MAST3: variants seen among roughly 807,000 people sequenced by gnomAD.
MAST3 encodes microtubule associated serine/threonine kinase 3.
A neutral mutation model predicts 127.0 loss-of-function variants in MAST3; 43 were observed. The ratio of observed to expected loss-of-function variants is 0.34; its 90% CI spans 0.27 to 0.44. The LOEUF is 0.44. MAST3 is among the 20% of genes least tolerant of loss of function. The pLI is 1.00. For synonymous variants in MAST3, 785 were observed against 809.2 expected (o/e 0.97, Z 0.51); for missense variants, 1,390 against 1,919.1 (o/e 0.72, Z 5.15).
At position 18,124,615 on chromosome 19, in the gene MAST3, G is replaced by A. The variant is rs375274551; in HGVS notation, c.946-27G>A. 1,538 of 1,542,078 alleles carry A rather than the reference G, an allele frequency of 1.0e-3. 12 individuals are homozygous for A. Among genetic ancestry groups the A allele is most frequent in the South Asian group, 8.5e-3 (716 of 83,980 alleles). On this transcript the variant is annotated intron_variant, in intron 10 of 27. Coordinates refer to ENST00000687212, the MANE Select transcript of MAST3 (RefSeq NM_001393504.1). Reference sequence around the variant, plus strand: ...AGGCCTGCAGGTGGAACCAAGCCCTGGGTGACCAGCCCTCCTGTGCCCCTA... The same window carrying A: ...AGGCCTGCAGGTGGAACCAAGCCCTAGGTGACCAGCCCTCCTGTGCCCCTA...
chr19:18,136,559 G>A (rs2041910276), intron 18 of MAST3, among the ~76,000 whole-genome samples: 1 of 152,146 alleles, frequency 6.6e-6, no homozygotes, highest in African/African-American at 2.4e-5. Context: ...GGAACCACAG[G>A]CATGTGCCAT....
intron 3 of MAST3, among the ~76,000 whole-genome samples, chr19:18,111,046 G>C (rs1257904459): frequency 6.6e-6 from 1 of 152,134 alleles, no homozygotes; most frequent in Non-Finnish European, 1.5e-5. Flanking sequence ...ACTCCCTGCT[G>C]AATTGGCCTG....
chr19:18,117,372 T>C (rs1407780444), intron 3 of MAST3, among the ~76,000 whole-genome samples: 1 of 152,202 alleles, frequency 6.6e-6, no homozygotes, highest in African/African-American at 2.4e-5. Flanking sequence ...TGGAGTTCAA[T>C]CAGGTGGCTG....
chr19:18,129,114 G>A (rs924783655), intron 13 of MAST3, 163 bp downstream of exon 13: 10 of 650,122 alleles, frequency 1.5e-5, no homozygotes, highest in South Asian at 9.1e-5. Context: ...GTGGAGACAC[G>A]CCATAGCGAG....
At chr19:18,123,417 C>T (rs772103281) in intron 7 of MAST3, 43 bp downstream of exon 7, 9 of 1,570,218 alleles carry the variant, frequency 5.7e-6, no homozygotes, top group Admixed American at 1.8e-5. Flanking sequence ...CCTCCCTGGG[C>T]TGGTGTGGAG....
chr19:18,128,436 C>T lies in MAST3; in HGVS notation c.1115C>T (p.Pro372Leu), dbSNP rs768674732. Residue 372 changes from proline to leucine, a missense_variant, in exon 12 of 28, where the codon CCC becomes CTC. By Grantham distance (98) the Pro-to-Leu change is moderately conservative. Around this residue, in one of 5 missense-constraint regions of MAST3, gnomAD observed 277 missense variants for 384.8 expected, o/e 0.72. Transcript: ENST00000687212. ...CTGAGTCACCTCGAAGAAGAACAGC[C>T]CCCAGCACCTGAGTCCCCAGAGGTG... Reference protein sequence around the residue: ...VPLSHLEEEQPPAPESPESRA... With the variant: ...VPLSHLEEEQLPAPESPESRA... 6.4e-6 allele frequency: 10 copies of T among 1,557,072 alleles called. No homozygotes were observed. The South Asian group carries it at 1.2e-4, about 18-fold the overall frequency.
chr19:18,139,476 C>T (rs180932458), intron 20 of MAST3, among the ~76,000 whole-genome samples: 106 of 152,216 alleles, frequency 7.0e-4, no homozygotes, highest in African/African-American at 2.5e-3. Context: ...AGGCGCATGC[C>T]GTCACGCCCA....
chr19:18,142,071 G>C, intron 21 of MAST3, 56 bp downstream of exon 21: 1 of 1,356,980 alleles, frequency 7.4e-7, no homozygotes, highest in Non-Finnish European at 9.6e-7. Context: ...CTGGGAGGTA[G>C]AGACACAAAA....
At chr19:18,147,733 A>G in intron 27 of MAST3, 109 bp downstream of exon 27, 1 of 808,490 alleles carries the variant, frequency 1.2e-6, no homozygotes, top group Non-Finnish European at 1.9e-6. Context: ...ATGTAGGGAA[A>G]AAGATGACCG....
chr19:18,123,778 C>T (rs11666281), intron 8 of MAST3, 123 bp downstream of exon 8: 261,451 of 1,088,566 alleles, frequency 0.24, 32,582 homozygotes, highest in Middle Eastern at 0.26. Context: ...TCTTTCCTTC[C>T]CCTTCCGTTG....
chr19:18,114,856 G>C (rs1367148600), intron 3 of MAST3, among the ~76,000 whole-genome samples: 1 of 152,160 alleles, frequency 6.6e-6, no homozygotes, highest in Non-Finnish European at 1.5e-5. Context: ...TTTCTACCTA[G>C]GGCACTAGGA....
At chr19:18,143,278 T>C (rs568600275) in intron 21 of MAST3, among the ~76,000 whole-genome samples, 14 of 151,712 alleles carry the variant, frequency 9.2e-5, no homozygotes, top group African/African-American at 3.4e-4. Flanking sequence ...AGCTGGGTTT[T>C]AAAAGTTGAA....
chr19:18,140,071 G>T (rs1312761398), intron 20 of MAST3, among the ~76,000 whole-genome samples: 1 of 151,060 alleles, frequency 6.6e-6, no homozygotes, highest in Admixed American at 6.6e-5. Context: ...CACCTGCCTC[G>T]GCCTCCCAAA....
At chr19:18,137,390 CG>C (rs1406226456) in intron 19 of MAST3, 29 bp downstream of exon 19, 10 of 1,601,668 alleles carry the variant, frequency 6.2e-6, no homozygotes, top group African/African-American at 1.3e-5. Flanking sequence ...GGAGGGGGGG[CG>C]GGGGGTGCTC....
At chr19:18,128,483 C>T (rs977927278) in intron 12 of MAST3, 25 bp downstream of exon 12, 1 of 1,550,180 alleles carries the variant, frequency 6.5e-7, no homozygotes, top group East Asian at 2.4e-5. Context: ...CTGGGGGACC[C>T]CCGCTCATCT....
Position 18,144,462 on chromosome 19 carries a change from C to T in MAST3, c.2585-4C>T. The T allele has an allele frequency of 6.4e-7, 1 of 1,556,496 alleles. No individual in the cohort carries two copies. Among genetic ancestry groups the T allele is most frequent in the Non-Finnish European group, 8.7e-7 (1 of 1,152,884 alleles). ...GCACCCAGCTGACCCTGCTGACCCT[C>T]TAGCCGACACAGCTGCTCTCAGCCA... is the stretch of plus-strand genomic sequence containing the variant. On this transcript the variant is annotated splice_polypyrimidine_tract_variant and splice_region_variant and intron_variant, in intron 22 of 27. Transcript: ENST00000687212. This position sits in a 1 kb window ranked among gnomAD's most constrained non-coding sequence, Gnocchi z 4.0.
At position 18,110,962 on chromosome 19, in the gene MAST3, G is replaced by A. The variant is rs1478680455; in HGVS notation, c.161+221G>A. Among the ~76,000 whole-genome samples, 1 of 152,166 alleles carries A rather than the reference G, an allele frequency of 6.6e-6. No individual in the cohort carries two copies. The highest frequency in any genetic ancestry group is 1.5e-5 in the Non-Finnish European group (1 of 68,028). Reference sequence around the variant, plus strand: ...AGGCCAGCATCTGACAGGTGGCCAAGGAAAGGGAAGAACTTAAGCTGTTGC... The same window carrying A: ...AGGCCAGCATCTGACAGGTGGCCAAAGAAAGGGAAGAACTTAAGCTGTTGC... On this transcript the variant is annotated intron_variant, in intron 3 of 27. Transcript: ENST00000687212. The surrounding 1 kb of genome is among the most constrained non-coding windows in gnomAD (Gnocchi z 4.3).
chr19:18,121,806 CCTGCCT>C, intron 4 of MAST3, 33 bp downstream of exon 4: 1 of 1,613,814 alleles, frequency 6.2e-7, no homozygotes, highest in South Asian at 1.1e-5. Context: ...GGTGCTGTGT[CCTGCCT>C]CTGCCCCGCT....
chr19:18,130,347 G>C (rs1182301853), intron 13 of MAST3, 147 bp from the exon 14 acceptor site: 1 of 688,572 alleles, frequency 1.5e-6, no homozygotes, highest in African/African-American at 1.8e-5. Flanking sequence ...CTCTGGGAGG[G>C]GGAACAGGTA....
Sources: gnomAD v4.1 joint callset for allele counts (sites outside exome capture counted in the v4.1 genomes callset) on GRCh38, gnomAD v4.1.1 for gene constraint, gnomAD v4.1.1 regional missense constraint, Gnocchi (gnomAD v3.1) non-coding constraint, MANE v1.5 for transcripts, NCBI Gene and HGNC (gene_info 2026-07-23, HGNC 2026-07-21) for gene names.